Variants in RAB11FIP4 observed in about 807,000 individuals in gnomAD.
RAB11FIP4 encodes the protein RAB11 family interacting protein 4.
RAB11FIP4 carries 23 observed loss-of-function variants against 74.3 expected under a neutral mutation model. The ratio of observed to expected loss-of-function variants is 0.31; its 90% CI spans 0.22 to 0.44. The LOEUF (loss-of-function observed/expected upper bound fraction) is 0.44. Ranked by LOEUF, RAB11FIP4 falls within the 20% of genes least tolerant of loss-of-function variation. The pLI is 1.00. For missense variants in RAB11FIP4, 630 were observed against 863.9 expected, an observed-to-expected ratio of 0.73 and a Z score of 3.39; for synonymous variants, 360 against 359.9, an observed-to-expected ratio of 1.00 and a Z score of 0.00.
chr17:31,431,354 A>G (rs1426297037), intron 1 of RAB11FIP4, among the ~76,000 whole-genome samples: 1 of 152,216 alleles, frequency 6.6e-6, no homozygotes, highest in Admixed American at 6.5e-5. Context: ...AATAGAACAG[A>G]AAAGTTCATC....
At chr17:31,441,843 A>G (rs2071409725) in intron 3 of RAB11FIP4, among the ~76,000 whole-genome samples, 1 of 150,956 alleles carries the variant, frequency 6.6e-6, no homozygotes, top group African/African-American at 2.4e-5. Context: ...AACTCTCTTT[A>G]TATTTAATAG....
chr17:31,509,780 C>T (rs2072418635), intron 3 of RAB11FIP4, among the ~76,000 whole-genome samples: 1 of 152,114 alleles, frequency 6.6e-6, no homozygotes, highest in Admixed American at 6.5e-5. Context: ...CCTGGTGCTC[C>T]CATGCTTACC....
chr17:31,422,067 C>T (rs1030830168), intron 1 of RAB11FIP4, among the ~76,000 whole-genome samples: 4 of 151,920 alleles, frequency 2.6e-5, no homozygotes, highest in East Asian at 1.9e-4. Flanking sequence ...CCCAGCTACT[C>T]GGGAGGCTGA....
intron 3 of RAB11FIP4, among the ~76,000 whole-genome samples, chr17:31,438,239 G>A (rs2071378070): frequency 6.6e-6 from 1 of 152,026 alleles, no homozygotes; most frequent in Admixed American, 6.6e-5. Flanking sequence ...CCCGACACTC[G>A]GGTGCTAAAG....
intron 1 of RAB11FIP4, among the ~76,000 whole-genome samples, chr17:31,402,734 G>T (rs2071001090): frequency 6.6e-6 from 1 of 151,602 alleles, no homozygotes. Flanking sequence ...CCATTCTCCT[G>T]CCTCAGCCTC....
intron 3 of RAB11FIP4, among the ~76,000 whole-genome samples, chr17:31,446,023 T>G (rs2071460560): frequency 6.6e-6 from 1 of 151,910 alleles, no homozygotes; most frequent in African/African-American, 2.4e-5. Flanking sequence ...TTTTCTTTCT[T>G]TCTATTTTTT....
chr17:31,436,764 G>A (rs369586031), intron 3 of RAB11FIP4, among the ~76,000 whole-genome samples: 1 of 147,256 alleles, frequency 6.8e-6, no homozygotes, highest in Non-Finnish European at 1.5e-5. Context: ...TTTTTTTTTT[G>A]TTTTTTTTTG....
intron 1 of RAB11FIP4, among the ~76,000 whole-genome samples, chr17:31,419,740 C>T (rs9900818): frequency 0.025 from 3,722 of 151,890 alleles, 137 homozygotes; most frequent in African/African-American, 0.083. Context: ...TTAGTAGAGA[C>T]GGGGTTTCAC....
intron 10 of RAB11FIP4, chr17:31,526,577 C>T (rs2072770831): frequency 6.6e-6 from 1 of 152,290 alleles, no homozygotes; most frequent in South Asian, 2.1e-4. Flanking sequence ...GCAGGAGTCA[C>T]TGCCAGAAGT....
At chr17:31,419,476 A>T (rs1190790307) in intron 1 of RAB11FIP4, among the ~76,000 whole-genome samples, 1 of 150,082 alleles carries the variant, frequency 6.7e-6, no homozygotes, top group East Asian at 1.9e-4. Flanking sequence ...TATCTCCTGG[A>T]TTCGATTTGC....
intron 1 of RAB11FIP4, among the ~76,000 whole-genome samples, chr17:31,406,513 G>A (rs532543438): frequency 2.0e-5 from 3 of 152,356 alleles, no homozygotes; most frequent in African/African-American, 7.2e-5. Context: ...CGAGGGTGCT[G>A]TTTCTGCACG....
chr17:31,428,972 G>GATT (rs2071279906), intron 1 of RAB11FIP4, among the ~76,000 whole-genome samples: 1 of 151,942 alleles, frequency 6.6e-6, no homozygotes, highest in South Asian at 2.1e-4. Context: ...TTATGATGAT[G>GATT]ATGATGATTA....
At chr17:31,516,547 G>C (rs1024451068) in intron 3 of RAB11FIP4, among the ~76,000 whole-genome samples, 4 of 152,228 alleles carry the variant, frequency 2.6e-5, no homozygotes, top group African/African-American at 7.2e-5. Flanking sequence ...TTGGCTCACC[G>C]CAAGCTCCGC....
intron 3 of RAB11FIP4, among the ~76,000 whole-genome samples, chr17:31,441,711 A>G (rs1199768692): frequency 6.6e-6 from 1 of 151,464 alleles, no homozygotes. Context: ...TATTTTTAGT[A>G]GAGACGGGGT....
chr17:31,474,139 C>T (rs1341317136), intron 3 of RAB11FIP4, among the ~76,000 whole-genome samples: 1 of 152,234 alleles, frequency 6.6e-6, no homozygotes, highest in African/African-American at 2.4e-5. Flanking sequence ...CTTGTGCCCT[C>T]ACAGGCCAAG....
At chr17:31,393,437 C>T (rs1278399277) in intron 1 of RAB11FIP4, among the ~76,000 whole-genome samples, 1 of 152,214 alleles carries the variant, frequency 6.6e-6, no homozygotes, top group African/African-American at 2.4e-5. Context: ...TGGCTGAAAC[C>T]TGGAGTCCCC....
rs138176855 is a variant in RAB11FIP4, at chr17:31,528,589, G to T, written c.1495-31G>T. On this transcript the variant is annotated intron_variant, in intron 12 of 14. Transcript: ENST00000621161. ...CACCAGGGCTCCTTCCAGCATCCCT[G>T]CTCCTGCCAACCTGCTTCTCTCCCT... 63 of 1,613,338 alleles carry T rather than the reference G, an allele frequency of 3.9e-5. No individual in the cohort carries two copies. In the East Asian group the frequency reaches 1.3e-3, roughly 34 times the overall value.
intron 3 of RAB11FIP4, among the ~76,000 whole-genome samples, 160 bp from the exon 4 acceptor site, chr17:31,517,491 A>C (rs2072579060): frequency 6.6e-6 from 1 of 152,046 alleles, no homozygotes; most frequent in African/African-American, 2.4e-5. Context: ...CCCTGGGACT[A>C]ATCACCTGCC....
intron 3 of RAB11FIP4, among the ~76,000 whole-genome samples, chr17:31,505,594 T>TATAATATATA (rs1952948103): frequency 1.4e-5 from 1 of 69,842 alleles, no homozygotes; most frequent in African/African-American, 5.9e-5. Context: ...AATAATTATA[T>TATAATATATA]ATTATATAAT....
Sources: gnomAD v4.1 joint callset for allele counts (sites outside exome capture counted in the v4.1 genomes callset) on GRCh38, gnomAD v4.1.1 for gene constraint, MANE v1.5 for transcripts, NCBI Gene and HGNC (gene_info 2026-07-23, HGNC 2026-07-21) for gene names.